The following PRKG1 variants were observed in gnomAD, a reference collection of about 807,000 sequenced individuals.
PRKG1 encodes the protein protein kinase cGMP-dependent 1.
Under a neutral mutation model 88.1 loss-of-function variants are expected in PRKG1, and 35 were observed. That is an observed-to-expected ratio of 0.40 (90% CI 0.30 to 0.53). The LOEUF (loss-of-function observed/expected upper bound fraction) is 0.53. Ranked by LOEUF, PRKG1 falls within the 20% of genes least tolerant of loss-of-function variation. The pLI is 0.59. For synonymous variants in PRKG1, 303 were observed against 292.5 expected (o/e 1.04, Z -0.37); for missense variants, 540 against 839.8 (o/e 0.64, Z 4.41).
intron 3 of PRKG1, among the ~76,000 whole-genome samples, chr10:51,802,892 C>A (rs1239918002): frequency 6.6e-6 from 1 of 152,098 alleles, no homozygotes; most frequent in African/African-American, 2.4e-5. Context: ...TGCACTACCC[C>A]CAAACCGTGC....
rs578173754 is a variant in PRKG1, at chr10:51,674,670, C to T, written c.593-129915C>T. Among the ~76,000 whole-genome samples the T allele has an allele frequency of 3.6e-4, 55 of 152,156 alleles. 1 individual carries two copies. The South Asian group carries it at 0.011, about 29-fold the overall frequency. On this transcript the variant is annotated intron_variant, in intron 3 of 17. Coordinates refer to ENST00000373980, the MANE Select transcript of PRKG1 (RefSeq NM_006258.4). ...AAAGACAATTTAAAAATTAGGAGTTCGAATGTAAGTTAGATTTCAACTCAA... is the reference window on the plus strand; with the variant it reads ...AAAGACAATTTAAAAATTAGGAGTTTGAATGTAAGTTAGATTTCAACTCAA...
intron 5 of PRKG1, among the ~76,000 whole-genome samples, chr10:51,969,567 GAA>G (rs1843653364): frequency 6.6e-6 from 1 of 151,826 alleles, no homozygotes; most frequent in African/African-American, 2.4e-5. Flanking sequence ...AAATCAATAA[GAA>G]AAAGACAATC....
intron 2 of PRKG1, among the ~76,000 whole-genome samples, chr10:51,433,029 A>T (rs1838814003): frequency 6.6e-6 from 1 of 152,202 alleles, no homozygotes; most frequent in African/African-American, 2.4e-5. Context: ...AAATAAAAAT[A>T]GCCAAGTGAA....
intron 3 of PRKG1, among the ~76,000 whole-genome samples, chr10:51,747,852 C>G (rs993969210): frequency 1.3e-5 from 2 of 152,066 alleles, no homozygotes; most frequent in Non-Finnish European, 2.9e-5. Flanking sequence ...TCACTGCAAC[C>G]TCCGCCTCCC....
intron 3 of PRKG1, among the ~76,000 whole-genome samples, chr10:51,546,836 T>C (rs180933662): frequency 6.6e-6 from 1 of 152,208 alleles, no homozygotes; most frequent in Admixed American, 6.6e-5. Flanking sequence ...TGCTTCTTCT[T>C]CCCTCAAACT....
intron 4 of PRKG1, among the ~76,000 whole-genome samples, chr10:51,846,221 A>G (rs1840394332): frequency 6.6e-6 from 1 of 152,126 alleles, no homozygotes; most frequent in Non-Finnish European, 1.5e-5. Context: ...CGTAGACCAA[A>G]ACCTTTACCT....
chr10:51,456,391 T>C (rs1446157051), intron 2 of PRKG1, among the ~76,000 whole-genome samples: 1 of 152,074 alleles, frequency 6.6e-6, no homozygotes, highest in Non-Finnish European at 1.5e-5. Flanking sequence ...AAGCCACATA[T>C]GGAAGAATGA....
At chr10:51,243,396 A>C (rs1317710234) in intron 2 of PRKG1, among the ~76,000 whole-genome samples, 1 of 152,212 alleles carries the variant, frequency 6.6e-6, no homozygotes, top group Non-Finnish European at 1.5e-5. Flanking sequence ...AGTCAGCAGA[A>C]GGCTCTTGCC....
intron 9 of PRKG1, among the ~76,000 whole-genome samples, chr10:52,222,492 C>G (rs1435400062): frequency 6.6e-6 from 1 of 151,934 alleles, no homozygotes; most frequent in African/African-American, 2.4e-5. Flanking sequence ...ATTGGAAACC[C>G]CAACCAGGAG....
chr10:51,197,042 T>C (rs1218146916), intron 2 of PRKG1, among the ~76,000 whole-genome samples: 1 of 152,126 alleles, frequency 6.6e-6, no homozygotes, highest in Non-Finnish European at 1.5e-5. Flanking sequence ...CAATTAGGTA[T>C]TAAGCTTTTC....
intron 9 of PRKG1, among the ~76,000 whole-genome samples, chr10:52,217,040 C>T (rs904646912): frequency 2.0e-5 from 3 of 151,986 alleles, no homozygotes; most frequent in South Asian, 2.1e-4. Context: ...GATGGTGATG[C>T]GGAAAAACAG....
intron 2 of PRKG1, among the ~76,000 whole-genome samples, chr10:51,403,777 A>G (rs1236402744): frequency 6.6e-6 from 1 of 152,218 alleles, no homozygotes; most frequent in Non-Finnish European, 1.5e-5. Context: ...TTGCTGCTCT[A>G]TACAAACCAT....
intron 3 of PRKG1, among the ~76,000 whole-genome samples, chr10:51,610,836 A>G (rs1838886717): frequency 6.6e-6 from 1 of 152,128 alleles, no homozygotes. Flanking sequence ...GTGGGAGTTG[A>G]ACCATGAGAA....
chr10:51,318,355 G>T (rs965618180), intron 2 of PRKG1, among the ~76,000 whole-genome samples: 2 of 152,120 alleles, frequency 1.3e-5, no homozygotes, highest in African/African-American at 4.8e-5. Flanking sequence ...ACTTCAATGG[G>T]TTATCATGAA....
intron 5 of PRKG1, among the ~76,000 whole-genome samples, chr10:52,022,373 G>C (rs1029997779): frequency 6.6e-6 from 1 of 152,028 alleles, no homozygotes; most frequent in African/African-American, 2.4e-5. Flanking sequence ...CTTCATTATT[G>C]ATCAATGAAA....
At chr10:51,453,358 G>T (rs1443121243) in intron 2 of PRKG1, among the ~76,000 whole-genome samples, 3 of 151,820 alleles carry the variant, frequency 2.0e-5, no homozygotes, top group Non-Finnish European at 2.9e-5. Flanking sequence ...GCTGGATTTG[G>T]GTTTGGTTTG....
At chr10:51,901,748 A>G (rs1031778648) in intron 4 of PRKG1, among the ~76,000 whole-genome samples, 3 of 152,192 alleles carry the variant, frequency 2.0e-5, no homozygotes, top group Non-Finnish European at 2.9e-5. Flanking sequence ...TGGCATGATA[A>G]TCTTTCCAAA....
At chr10:51,358,489 T>C (rs929412716) in intron 2 of PRKG1, among the ~76,000 whole-genome samples, 2 of 151,930 alleles carry the variant, frequency 1.3e-5, no homozygotes, top group Non-Finnish European at 2.9e-5. Flanking sequence ...GAATATATAC[T>C]GGTGAATCTG....
intron 2 of PRKG1, among the ~76,000 whole-genome samples, chr10:51,164,722 A>T (rs1043917861): frequency 2.0e-5 from 3 of 152,184 alleles, no homozygotes; most frequent in African/African-American, 7.2e-5. Flanking sequence ...TGGAGCTGAA[A>T]GCCAAGGCTC....
Sources: gnomAD v4.1 joint callset for allele counts (sites outside exome capture counted in the v4.1 genomes callset) on GRCh38, gnomAD v4.1.1 for gene constraint, MANE v1.5 for transcripts, NCBI Gene and HGNC (gene_info 2026-07-23, HGNC 2026-07-21) for gene names.